Variants in PDIA5 observed in about 807,000 individuals in gnomAD.
The protein encoded by PDIA5 is protein disulfide-isomerase A5.
Under a neutral mutation model 77.6 loss-of-function variants are expected in PDIA5, and 58 were observed. The observed-to-expected ratio is 0.75, with a 90% CI of 0.61 to 0.93. The LOEUF (loss-of-function observed/expected upper bound fraction) is 0.93, where lower values mean the gene tolerates loss of function less well. Ranked by LOEUF, PDIA5 falls within the 40% of genes least tolerant of loss-of-function variation. The pLI is 0.00. For synonymous variants in PDIA5, 250 were observed against 252.1 expected (o/e 0.99, Z 0.08); for missense variants, 630 against 647.7 (o/e 0.97, Z 0.30).
Position 123,101,906 on chromosome 3 carries a change from C to CTTTTTTTTTTTTTTTTTTTTTTTTT in PDIA5, c.258-484_258-483insTTTTTTTTTTTTTTTTTTTTTTTTT, listed in dbSNP as rs71623603. Among the ~76,000 whole-genome samples, 8 of 71,378 alleles carry CTTTTTTTTTTTTTTTTTTTTTTTTT rather than the reference C, an allele frequency of 1.1e-4. 1 individual carries two copies. The highest frequency in any genetic ancestry group is 1.7e-4 in the Non-Finnish European group (7 of 41,590). 46.8% of individuals were successfully genotyped at this position (71,378 alleles called of 152,430 possible). A position where few individuals can be genotyped will look rare whatever the true frequency, so the allele number is the denominator to read the frequency against. The stretch of plus-strand genomic sequence containing the variant: ...TCCCCTTCCTTTCCTTTCTTTCTTG[C>CTTTTTTTTTTTTTTTTTTTTTTTTT]TTTTTTTTTTTTTTTTTTTTTGAGA... On this transcript the variant is annotated intron_variant, in intron 3 of 16. Coordinates refer to ENST00000316218, the MANE Select transcript of PDIA5 (RefSeq NM_006810.4).
At chr3:123,136,624 A>ATTGG in intron 11 of PDIA5, among the ~76,000 whole-genome samples, 1 of 149,426 alleles carries the variant, frequency 6.7e-6, no homozygotes. Flanking sequence ...CTGTAGTCCC[A>ATTGG]GCTACTTGGG....
At chr3:123,080,189 C>A (rs1340704122) in intron 1 of PDIA5, among the ~76,000 whole-genome samples, 3 of 152,050 alleles carry the variant, frequency 2.0e-5, no homozygotes, top group African/African-American at 7.2e-5. Context: ...ATGAGGAGCC[C>A]TCCAAGATGA....
chr3:123,150,702 C>T (rs947977487), intron 14 of PDIA5, among the ~76,000 whole-genome samples: 1 of 151,948 alleles, frequency 6.6e-6, no homozygotes, highest in Non-Finnish European at 1.5e-5. Context: ...CAGCTGTCCC[C>T]GCCCCCTCTT....
chr3:123,071,136 A>C (rs1933712645), intron 1 of PDIA5, among the ~76,000 whole-genome samples: 2 of 152,074 alleles, frequency 1.3e-5, no homozygotes, highest in South Asian at 4.1e-4. Context: ...TCCATTTTAT[A>C]TTTAAAAATA....
chr3:123,099,609 C>T (rs1934531125), intron 3 of PDIA5, among the ~76,000 whole-genome samples: 1 of 152,190 alleles, frequency 6.6e-6, no homozygotes, highest in Non-Finnish European at 1.5e-5. Flanking sequence ...AGGCTGTGCA[C>T]CGGGCTGAAA....
chr3:123,106,098 G>A (rs1934723365), intron 5 of PDIA5, among the ~76,000 whole-genome samples: 1 of 152,206 alleles, frequency 6.6e-6, no homozygotes, highest in East Asian at 1.9e-4. Flanking sequence ...TCTAGAAGAG[G>A]GGCCCCAGCA....
intron 7 of PDIA5, 151 bp from the exon 8 acceptor site, chr3:123,116,080 T>G: frequency 1.4e-6 from 1 of 691,334 alleles, no homozygotes; most frequent in Non-Finnish European, 2.6e-6. Flanking sequence ...CTCCTGTTCC[T>G]TTTGTGTCCC....
chr3:123,154,803 G>T (rs1935983115), intron 14 of PDIA5, among the ~76,000 whole-genome samples, 168 bp from the exon 15 acceptor site: 2 of 152,168 alleles, frequency 1.3e-5, no homozygotes, highest in African/African-American at 4.8e-5. Flanking sequence ...TCAGACATGG[G>T]TGGGAGGTGG....
intron 3 of PDIA5, among the ~76,000 whole-genome samples, chr3:123,092,683 T>C (rs1405173619): frequency 6.6e-6 from 1 of 152,178 alleles, no homozygotes; most frequent in African/African-American, 2.4e-5. Context: ...TTCACTTTCT[T>C]CTATTTCCAT....
intron 3 of PDIA5, among the ~76,000 whole-genome samples, chr3:123,098,956 A>G (rs1164766431): frequency 6.6e-6 from 1 of 152,126 alleles, no homozygotes; most frequent in Admixed American, 6.5e-5. Flanking sequence ...CTCAACTCAG[A>G]TCCTTTTAAG....
chr3:123,144,620 C>T (rs2107980699), intron 11 of PDIA5: 1 of 152,350 alleles, frequency 6.6e-6, no homozygotes, highest in African/African-American at 2.4e-5. Flanking sequence ...CGCGGTGGCT[C>T]ACGCCTGTAA....
chr3:123,141,603 A>G (rs1022378630), intron 11 of PDIA5, among the ~76,000 whole-genome samples: 1 of 152,220 alleles, frequency 6.6e-6, no homozygotes, highest in Non-Finnish European at 1.5e-5. Flanking sequence ...GCCTGAAAGC[A>G]GGAGAGTGGG....
rs536191056 is a variant in PDIA5 at position 123,094,213 on chromosome 3, G to C, written c.257+1771G>C. Among the ~76,000 whole-genome samples, 4 of 149,850 alleles carry C rather than the reference G, an allele frequency of 2.7e-5. No individual in the cohort carries two copies. The East Asian group carries it at 7.7e-4, about 29-fold the overall frequency. On this transcript the variant is annotated intron_variant, in intron 3 of 16. Transcript: ENST00000316218. ...GACTATTCCATGTAGTTGCCTCGCT[G>C]TGTTGAATTTATTCCTGTAAGAGGA...
intron 14 of PDIA5, among the ~76,000 whole-genome samples, chr3:123,153,129 G>C (rs1356381640): frequency 6.6e-6 from 1 of 152,140 alleles, no homozygotes; most frequent in Non-Finnish European, 1.5e-5. Flanking sequence ...AGATGCAACA[G>C]AAAGCCATTA....
At chr3:123,074,529 TTA>T (rs578082170) in intron 1 of PDIA5, among the ~76,000 whole-genome samples, 26 of 152,274 alleles carry the variant, frequency 1.7e-4, no homozygotes, top group South Asian at 8.3e-4. Flanking sequence ...AAAATAATAT[TTA>T]TGTTTATTAA....
intron 3 of PDIA5, among the ~76,000 whole-genome samples, chr3:123,099,504 G>C (rs1381213461): frequency 6.6e-6 from 1 of 152,196 alleles, no homozygotes; most frequent in Non-Finnish European, 1.5e-5. Flanking sequence ...GGAGAGGAGA[G>C]AATCCTTAGG....
intron 11 of PDIA5, among the ~76,000 whole-genome samples, chr3:123,143,113 A>C (rs913805636): frequency 6.6e-6 from 1 of 152,038 alleles, no homozygotes; most frequent in Non-Finnish European, 1.5e-5. Context: ...GGGGCTGGGC[A>C]TGGTGGCTCA....
intron 2 of PDIA5, among the ~76,000 whole-genome samples, chr3:123,091,500 T>C (rs902655024): frequency 2.6e-5 from 4 of 152,184 alleles, no homozygotes; most frequent in Non-Finnish European, 4.4e-5. Flanking sequence ...ACAGCCACTT[T>C]GCAGTGGATC....
chr3:123,139,731 C>G (rs1935580907), intron 11 of PDIA5, among the ~76,000 whole-genome samples: 1 of 152,188 alleles, frequency 6.6e-6, no homozygotes, highest in African/African-American at 2.4e-5. Flanking sequence ...AGCCATGACC[C>G]TTGCCCATAA....
Sources: allele counts gnomAD v4.1 joint callset (sites outside exome capture counted in the v4.1 genomes callset), GRCh38; gene constraint gnomAD v4.1.1; transcripts MANE v1.5; gene names NCBI Gene and HGNC (gene_info 2026-07-23, HGNC 2026-07-21).